Variants in PLEC observed in about 807,000 individuals in gnomAD.
The protein encoded by PLEC is hemidesmosomal protein 1.
PLEC carries 216 observed loss-of-function variants against 392.8 expected under a neutral mutation model. The ratio of observed to expected loss-of-function variants is 0.55; its 90% CI spans 0.49 to 0.62. PLEC has a LOEUF of 0.62. Ranked by LOEUF, PLEC falls within the 20% of genes least tolerant of loss-of-function variation. The probability of loss-of-function intolerance (pLI) is 0.00; values close to 1 mark genes in which losing one functional copy is unlikely to be tolerated. For missense variants in PLEC, 6,863 were observed against 6,563.4 expected, an observed-to-expected ratio of 1.05 and a Z score of -1.58; for synonymous variants, 3,621 against 2,980.6, an observed-to-expected ratio of 1.21 and a Z score of -7.00.
chr8:143,962,593 C>T (rs1587403608), intron 1 of PLEC, among the ~76,000 whole-genome samples: 1 of 152,230 alleles, frequency 6.6e-6, no homozygotes, highest in East Asian at 1.9e-4. Context: ...AAAGCCTAGC[C>T]TGTCTGACCA....
Position 143,932,788 on chromosome 8 carries a change from C to CCCA in PLEC, c.1737+2_1737+4dup, listed in dbSNP as rs781906438. ...CCGCACTGCCCATCGCTCAGCGCCA[C>CCCA]CCACCTCGTCACTCCGTGCCCGCTC... On this transcript the variant is annotated splice_donor_region_variant and intron_variant, in intron 14 of 31. Coordinates refer to ENST00000345136, the MANE Select transcript of PLEC (RefSeq NM_201384.3). 1 of 1,612,046 alleles carries CCCA rather than the reference C, an allele frequency of 6.2e-7. No homozygotes were observed. The highest frequency in any genetic ancestry group is 1.1e-5 in the South Asian group (1 of 90,998).
In PLEC at chr8:143,919,409, G is replaced by A. The variant is rs886044786; in HGVS notation, c.10412C>T (p.Thr3471Met). 48 of 1,613,284 alleles carry A rather than the reference G, an allele frequency of 3.0e-5. No homozygotes were observed. The highest frequency in any genetic ancestry group is 3.6e-5 in the Non-Finnish European group (43 of 1,179,914). The change falls in exon 32 of 32, where the codon ACG becomes ATG. Residue 3471 changes from threonine (T) to methionine (M), a missense_variant. Physicochemically the swap from Thr to Met is moderately conservative, Grantham distance 81. Transcript: ENST00000345136. ...GTGCACGGGGTCGATGATGCCGCCC[G>A]TGGCGATCTGGGCCTCCAGCAGGCG... The part of the protein sequence containing the change: ...GIRLLEAQIA[T>M]GGIIDPVHSH...
chr8:143,918,341 C>T lies in PLEC; in HGVS notation c.11480G>A (p.Gly3827Asp). ...GTCGTGCGTGTCCTTGTTGAGGTAG[C>T]CACGCTGGTAAGCCACCTCCAGGGG... is the stretch of plus-strand genomic sequence containing the variant. ...HLPLEVAYQR[G>D]YLNKDTHDQL... The change falls in exon 32 of 32, where the codon GGC becomes GAC. Residue 3827 changes from glycine to aspartate, a missense_variant. Transcript: ENST00000345136. 6.3e-7 allele frequency: 1 copy of T among 1,581,268 alleles called. No homozygotes were observed. Among genetic ancestry groups the T allele is most frequent in the South Asian group, 1.1e-5 (1 of 89,042 alleles).
In PLEC at chr8:143,918,561, C is replaced by T; in HGVS notation, c.11260G>A (p.Gly3754Arg). Reference protein sequence around the residue: ...VDEAVRKGLVGPELHDRLLSA... With the variant: ...VDEAVRKGLVRPELHDRLLSA... Reference sequence around the variant, plus strand: ...AGCAGGCGGTCGTGCAGCTCGGGCCCCACGAGGCCCTTCCGCACAGCCTCA... The same window carrying T: ...AGCAGGCGGTCGTGCAGCTCGGGCCTCACGAGGCCCTTCCGCACAGCCTCA... The change falls in exon 32 of 32, where the codon GGG becomes AGG. Residue 3754 changes from glycine (G) to arginine (R), a missense_variant. Gly to Arg is a moderately radical substitution (Grantham distance 125). Coordinates refer to ENST00000345136, the MANE Select transcript of PLEC (RefSeq NM_201384.3). The T allele has an allele frequency of 1.2e-6, 2 of 1,611,168 alleles. No individual in the cohort carries two copies. The highest frequency in any genetic ancestry group is 1.7e-6 in the Non-Finnish European group (2 of 1,179,590).
exon 1 of PLEC, chr8:143,950,852 G>A (rs2132723442): frequency 1.4e-6 from 2 of 1,458,822 alleles, no homozygotes; most frequent in South Asian, 2.7e-5. Flanking sequence ...GCAGGCTGGG[G>A]TGCTGAGCGT....
At position 143,930,216 on chromosome 8, in the gene PLEC, C is replaced by T. The variant is rs782716612; in HGVS notation, c.2540G>A (p.Ser847Asn). The T allele has an allele frequency of 1.2e-5, 19 of 1,584,550 alleles. No homozygotes were observed. The Admixed American group carries it at 3.2e-4, about 26-fold the overall frequency. Residue 847 changes from serine to asparagine, a missense_variant, in exon 21 of 32, where the codon AGC becomes AAC. Physicochemically the swap from Ser to Asn is conservative, Grantham distance 46. Coordinates refer to ENST00000345136, the MANE Select transcript of PLEC (RefSeq NM_201384.3). ...GCACACGGAGGGCACGGCGGCCTCG[C>T]TGCCGGAGCTGCTGAGCACCTTCCA... is the stretch of plus-strand genomic sequence containing the variant. ...SHWKVLSSSG[S>N]EAAVPSVCFL... is the part of the protein sequence containing the mutation.
upstream of PLEC, among the ~76,000 whole-genome samples, chr8:143,951,510 G>C (rs1280475261): frequency 2.0e-5 from 3 of 152,172 alleles, no homozygotes; most frequent in Non-Finnish European, 4.4e-5. Context: ...CTTAGAGGCA[G>C]TGGCCACTCA....
rs782670264 is a variant in PLEC, at chr8:143,924,926, T to G, written c.5003A>C (p.Glu1668Ala). The G allele has an allele frequency of 6.7e-5, 106 of 1,584,784 alleles. No individual in the cohort carries two copies. The highest frequency in any genetic ancestry group is 3.3e-4 in the Middle Eastern group (2 of 6,038). ...GCGCCGCCGCGCCTCGCGCTCCGCC[T>G]CCTCCTTCTGCTTCTCAGCCTCGGC... is the stretch of plus-strand genomic sequence containing the variant. ...AQAEAEKQKE[E>A]AEREARRRGK... is the part of the protein sequence containing the mutation. Residue 1668 changes from glutamate to alanine, a missense_variant, in exon 31 of 32, where the codon GAG becomes GCG. Coordinates refer to ENST00000345136, the MANE Select transcript of PLEC (RefSeq NM_201384.3).
At chr8:143,954,750 T>C (rs528308087), upstream of PLEC, among the ~76,000 whole-genome samples, 122 of 152,326 alleles carry the variant, frequency 8.0e-4, no homozygotes, top group African/African-American at 2.8e-3. This position sits in a 1 kb window ranked among gnomAD's most constrained non-coding sequence, Gnocchi z 4.6. Context: ...TGCTGGGCCC[T>C]GCCCACACCA....
chr8:143,968,550 C>T (rs1554743082), intron 1 of PLEC, among the ~76,000 whole-genome samples: 2 of 85,560 alleles, frequency 2.3e-5, no homozygotes, highest in Non-Finnish European at 4.8e-5. Flanking sequence ...AAAAAAAAGA[C>T]ACCAGCAAGC....
At position 143,919,999 on chromosome 8, in the gene PLEC, G is replaced by C. The variant is rs372147543; in HGVS notation, c.9822C>G (p.Phe3274Leu). 1.9e-6 allele frequency: 3 copies of C among 1,613,282 alleles called. No individual in the cohort carries two copies. Among genetic ancestry groups the C allele is most frequent in the Non-Finnish European group, 2.5e-6 (3 of 1,180,026 alleles). ...AEQRQELLRQ[F>L]RTGKVTVEKV... The stretch of plus-strand genomic sequence containing the variant: ...TCTCCACGGTGACCTTGCCCGTGCG[G>C]AACTGACGCAACAGCTCCTGCCGCT... Residue 3274 changes from phenylalanine (F) to leucine (L), a missense_variant, in exon 32 of 32, where the codon TTC (phenylalanine) becomes TTG (leucine). Phe to Leu is a conservative substitution (Grantham distance 22, BLOSUM62 0). Transcript: ENST00000345136.
chr8:143,940,759 C>G (rs569263534), upstream of PLEC, among the ~76,000 whole-genome samples: 1 of 152,168 alleles, frequency 6.6e-6, no homozygotes, highest in African/African-American at 2.4e-5. Context: ...CGTGAGGGGG[C>G]ACCAGAACCC....
upstream of PLEC, among the ~76,000 whole-genome samples, chr8:143,973,914 A>C (rs1554745246): frequency 6.6e-6 from 1 of 152,184 alleles, no homozygotes; most frequent in Non-Finnish European, 1.5e-5. This position sits in a 1 kb window ranked among gnomAD's most constrained non-coding sequence, Gnocchi z 5.6. Flanking sequence ...GAGACGACTG[A>C]GTCGGTATAA....
upstream of PLEC, among the ~76,000 whole-genome samples, chr8:143,973,981 T>C (rs1460821491): frequency 6.6e-6 from 1 of 152,232 alleles, no homozygotes; most frequent in Admixed American, 6.5e-5. The surrounding 1 kb of genome is among the most constrained non-coding windows in gnomAD (Gnocchi z 5.6). Flanking sequence ...AGGACTGGAA[T>C]AGCCCATTCA....
intron 1 of PLEC, among the ~76,000 whole-genome samples, chr8:143,963,250 A>G (rs900221299): frequency 6.6e-6 from 1 of 152,260 alleles, no homozygotes; most frequent in Non-Finnish European, 1.5e-5. Flanking sequence ...GGCAAGAAAC[A>G]GGATGACAGA....
chr8:143,918,729 G>C lies in PLEC; in HGVS notation c.11092C>G (p.Pro3698Ala). 6.2e-7 allele frequency: 1 copy of C among 1,613,002 alleles called. No homozygotes were observed. Among genetic ancestry groups the C allele is most frequent in the Non-Finnish European group, 8.5e-7 (1 of 1,180,016 alleles). The change falls in exon 32 of 32, where the codon CCC becomes GCC. Residue 3698 changes from proline (P) to alanine (A), a missense_variant. Physicochemically the swap from Pro to Ala is conservative, Grantham distance 27. Transcript: ENST00000345136. ...GTGSVAGVYL[P>A]GSRQTLSIYQ... ...ATGCTCAGTGTCTGCCTGGAACCGGGCAGGTAGACACCAGCCACGGAGCCC... is the reference window on the plus strand; with the variant it reads ...ATGCTCAGTGTCTGCCTGGAACCGGCCAGGTAGACACCAGCCACGGAGCCC...
At chr8:143,938,737 CG>C in intron 1 of PLEC, 45 bp from the exon 2 acceptor site, 2 of 1,570,482 alleles carry the variant, frequency 1.3e-6, no homozygotes, top group Non-Finnish European at 1.8e-6. Context: ...GGAGAAGCCC[CG>C]GGGGCCCTCA....
In PLEC at chr8:143,930,074, G is replaced by C. The variant is rs782387123; in HGVS notation, c.2613-12C>G. 1.3e-5 allele frequency: 21 copies of C among 1,608,924 alleles called. No homozygotes were observed. Among genetic ancestry groups the C allele is most frequent in the South Asian group, 5.5e-5 (5 of 91,030 alleles). ...GCTGGGCCTCCAGCCTGGCAGGTCA[G>C]GGCTACAGTCAGCGTCACCAGCGCC... On this transcript the variant is annotated splice_polypyrimidine_tract_variant and intron_variant, in intron 21 of 31. Transcript: ENST00000345136.
chr8:143,938,591 G>T, intron 2 of PLEC, 40 bp downstream of exon 2: 1 of 1,605,116 alleles, frequency 6.2e-7, no homozygotes, highest in Non-Finnish European at 8.5e-7. Context: ...GCCTCCCACA[G>T]CCTCAGCCCC....
Sources: gnomAD v4.1 joint callset for allele counts (sites outside exome capture counted in the v4.1 genomes callset) on GRCh38, gnomAD v4.1.1 for gene constraint, Gnocchi (gnomAD v3.1) non-coding constraint, MANE v1.5 for transcripts, NCBI Gene and HGNC (gene_info 2026-07-23, HGNC 2026-07-21) for gene names.